CDC25A: variants seen among roughly 807,000 people sequenced by gnomAD.
CDC25A encodes cell division cycle 25A, also known as M-phase inducer phosphatase 1.
In CDC25A, 17 loss-of-function variants were observed where a neutral mutation model predicts 64.6. The observed-to-expected ratio is 0.26, with a 90% confidence interval of 0.18 to 0.39. The LOEUF (loss-of-function observed/expected upper bound fraction) is 0.39, where lower values mean the gene tolerates loss of function less well. CDC25A is among the 10% of genes least tolerant of loss of function. CDC25A has a pLI of 1.00. For synonymous variants in CDC25A, 229 were observed against 238.6 expected (o/e 0.96, Z 0.37); for missense variants, 473 against 654.8 (o/e 0.72, Z 3.03).
At chr3:48,181,390 T>C (rs961706113) in intron 5 of CDC25A, among the ~76,000 whole-genome samples, 1 of 152,194 alleles carries the variant, frequency 6.6e-6, no homozygotes, top group East Asian at 1.9e-4. Context: ...GATTCCACTT[T>C]ATGGAATGAA....
Position 48,187,834 on chromosome 3 carries a change from T to C in CDC25A, c.114A>G (p.Gly38=). Reference sequence around the variant, plus strand: ...CGGTCAGGTTGGTGACAGGCGACAGTCCCCCGGCGGCTGAAGCGCCAAATA... The same window carrying C: ...CGGTCAGGTTGGTGACAGGCGACAGCCCCCCGGCGGCTGAAGCGCCAAATA... ...KALFGASAAG[G]LSPVTNLTVT... Residue 38 remains glycine, a synonymous_variant, in exon 1 of 15, where the codon GGA becomes GGG. Coordinates refer to ENST00000302506, the MANE Select transcript of CDC25A (RefSeq NM_001789.3). 6.5e-7 allele frequency: 1 copy of C among 1,548,468 alleles called. No individual in the cohort carries two copies. Among genetic ancestry groups the C allele is most frequent in the Non-Finnish European group, 8.7e-7 (1 of 1,145,714 alleles).
intron 6 of CDC25A, 84 bp from the exon 7 acceptor site, chr3:48,178,072 A>AG: frequency 7.4e-7 from 1 of 1,348,500 alleles, no homozygotes; most frequent in Non-Finnish European, 1.0e-6. Context: ...TTTATGATGA[A>AG]AACATACTAT....
intron 4 of CDC25A, among the ~76,000 whole-genome samples, 155 bp from the exon 5 acceptor site, chr3:48,183,185 C>G (rs1178824600): frequency 2.0e-5 from 3 of 152,196 alleles, no homozygotes; most frequent in African/African-American, 7.2e-5. Flanking sequence ...CAGGAATCCA[C>G]CTTGCCAGGA....
At chr3:48,182,165 C>G (rs1171962243) in intron 5 of CDC25A, among the ~76,000 whole-genome samples, 2 of 152,210 alleles carry the variant, frequency 1.3e-5, no homozygotes, top group Non-Finnish European at 2.9e-5. Context: ...TTTCCATATT[C>G]TTTCTCATGA....
rs1008793974 is a variant in CDC25A at position 48,163,448 on chromosome 3, T to C, written c.1322+859A>G. 2.1e-4 allele frequency among the ~76,000 whole-genome samples: 31 copies of C among 149,648 alleles called. No homozygotes were observed. The East Asian group carries it at 5.7e-3, about 28-fold the overall frequency. ...GTAGAAACCCTGCCTCTACTAAAAA[T>C]ACAAAATTAGCCGGGCGTGATGGCG... is the stretch of plus-strand genomic sequence containing the variant. On this transcript the variant is annotated intron_variant, in intron 13 of 14. Transcript: ENST00000302506.
At chr3:48,168,177 T>C (rs1415755009) in intron 9 of CDC25A, among the ~76,000 whole-genome samples, 1 of 139,514 alleles carries the variant, frequency 7.2e-6, no homozygotes, top group African/African-American at 2.6e-5. Flanking sequence ...TTTCCTTCCT[T>C]CCTTAAAAAA....
At position 48,184,638 on chromosome 3, in the gene CDC25A, G is replaced by A. The variant is rs1039204325; in HGVS notation, c.290+15C>T. 9 of 1,561,586 alleles carry A rather than the reference G, an allele frequency of 5.8e-6. No individual in the cohort carries two copies. The African/African-American group carries it at 9.6e-5, about 17-fold the overall frequency. On this transcript the variant is annotated intron_variant, in intron 3 of 14. Transcript: ENST00000302506. ...TTTTTCTACATATAAACATTTGAAA[G>A]CAGTGAATACATACTTTTCTTTACT...
Position 48,158,362 on chromosome 3 carries a change from CTTTTT to C in CDC25A, c.*578_*582del, listed in dbSNP as rs113563213. The C allele has an allele frequency of 6.9e-6, 1 of 145,926 alleles. No individual in the cohort carries two copies. The highest frequency in any genetic ancestry group is 1.5e-5 in the Non-Finnish European group (1 of 65,870). The allele number at this position is 145,926 out of a possible 1,614,324, so 9.0% of individuals were successfully genotyped here. Reference sequence around the variant, plus strand: ...CAGGTTTGCATTTTCTTACCCACTTCTTTTTTTTTTTTAAATTAAAAGCCGAGGTA... The same window carrying C: ...CAGGTTTGCATTTTCTTACCCACTTCTTTTTTTAAATTAAAAGCCGAGGTA... On this transcript the variant is annotated 3_prime_UTR_variant, in exon 15 of 15. Coordinates refer to ENST00000302506, the MANE Select transcript of CDC25A (RefSeq NM_001789.3).
chr3:48,178,122 G>C (rs1482774997), intron 6 of CDC25A, 134 bp from the exon 7 acceptor site: 8 of 763,316 alleles, frequency 1.0e-5, no homozygotes, highest in Non-Finnish European at 1.7e-5. Flanking sequence ...AGCCATTACT[G>C]ATTATATGAA....
At chr3:48,159,167 G>A (rs548688853) in intron 14 of CDC25A, 82 bp from the exon 15 acceptor site, 615 of 1,528,244 alleles carry the variant, frequency 4.0e-4, no homozygotes, top group Non-Finnish European at 5.2e-4. Flanking sequence ...AGGGCTACAA[G>A]GCTGAAAGCG....
rs139580687 is a variant in CDC25A, at chr3:48,174,379, A to G, written c.835T>C (p.Ser279Pro). ...CTTCCAGGTGGAGACTCCTCTTGAG[A>G]TCGTTCTGGTCTCTTCAACACTGAC... ...TRSVLKRPER[S>P]QEESPPGSTK... Residue 279 changes from serine (S) to proline (P), a missense_variant, in exon 9 of 15, where the codon TCT becomes CCT. Around this residue, in one of 2 missense-constraint regions of CDC25A, gnomAD observed 376 missense variants for 431.9 expected, o/e 0.87. Coordinates refer to ENST00000302506, the MANE Select transcript of CDC25A (RefSeq NM_001789.3). The G allele has an allele frequency of 3.5e-4, 564 of 1,614,128 alleles. 3 individuals carry two copies. The African/African-American group carries it at 6.7e-3, about 19-fold the overall frequency.
At chr3:48,167,089 T>TAA (rs2032056123) in intron 10 of CDC25A, among the ~76,000 whole-genome samples, 1 of 152,202 alleles carries the variant, frequency 6.6e-6, no homozygotes, top group Admixed American at 6.5e-5. Context: ...GGCATGCTGT[T>TAA]TATGTTTACA....
intron 9 of CDC25A, among the ~76,000 whole-genome samples, chr3:48,169,914 C>T (rs1057265474): frequency 9.2e-5 from 14 of 151,690 alleles, no homozygotes; most frequent in African/African-American, 2.9e-4. Flanking sequence ...GAGGCTGAGG[C>T]GGGAGAATTG....
In CDC25A at chr3:48,168,047, A is replaced by ACAT. The variant is rs1380511748; in HGVS notation, c.931-106_931-104dup. 2.4e-4 allele frequency: 157 copies of ACAT among 655,570 alleles called. No homozygotes were observed. In the Middle Eastern group the frequency reaches 5.7e-3, roughly 24 times the overall value. 40.6% of individuals were successfully genotyped at this position (655,570 alleles called of 1,614,324 possible). The stretch of plus-strand genomic sequence containing the variant: ...CGAGGAGACTAAAATGTTAATGCCT[A>ACAT]CATTTAGTAAGAAGTTTTTATTTTA... On this transcript the variant is annotated intron_variant, in intron 9 of 14. Transcript: ENST00000302506.
At chr3:48,170,657 T>A (rs1034459423) in intron 9 of CDC25A, among the ~76,000 whole-genome samples, 2 of 152,166 alleles carry the variant, frequency 1.3e-5, no homozygotes, top group East Asian at 3.8e-4. Flanking sequence ...TGGCCATGAG[T>A]GATCAACTTG....
rs755462923 is a variant in CDC25A, at chr3:48,174,273, A to G, written c.930+11T>C. ...TCTGTGCTAGAGCAAAAAGGAACCT[A>G]GGAAACTAACCTCATGGGCCTTCTC... is the stretch of plus-strand genomic sequence containing the variant. On this transcript the variant is annotated intron_variant, in intron 9 of 14. Coordinates refer to ENST00000302506, the MANE Select transcript of CDC25A (RefSeq NM_001789.3). 6.2e-7 allele frequency: 1 copy of G among 1,600,330 alleles called. No homozygotes were observed. Among genetic ancestry groups the G allele is most frequent in the Admixed American group, 1.8e-5 (1 of 55,680 alleles).
At chr3:48,177,773 G>C (rs1035384075) in intron 7 of CDC25A, 81 bp downstream of exon 7, 6 of 1,545,130 alleles carry the variant, frequency 3.9e-6, no homozygotes, top group Non-Finnish European at 5.4e-6. Context: ...TGCTGTTGCT[G>C]TTCTTTTTCA....
intron 8 of CDC25A, 118 bp from the exon 9 acceptor site, chr3:48,174,575 C>A: frequency 2.1e-6 from 2 of 952,118 alleles, no homozygotes; most frequent in East Asian, 2.6e-5. Flanking sequence ...AATTAGCCAA[C>A]AGACACTGCC....
At chr3:48,171,243 T>C (rs991429534) in intron 9 of CDC25A, among the ~76,000 whole-genome samples, 17 of 151,720 alleles carry the variant, frequency 1.1e-4, no homozygotes, top group African/African-American at 4.1e-4. Context: ...GGCGTGGCAG[T>C]GGGCACCTGT....
Sources: gnomAD v4.1 joint callset for allele counts (sites outside exome capture counted in the v4.1 genomes callset) on GRCh38, gnomAD v4.1.1 for gene constraint, gnomAD v4.1.1 regional missense constraint, MANE v1.5 for transcripts, NCBI Gene and HGNC (gene_info 2026-07-23, HGNC 2026-07-21) for gene names.